Variants in SUCO observed in about 807,000 individuals in gnomAD.
The protein encoded by SUCO is SUN domain-containing ossification factor.
In SUCO, 57 loss-of-function variants were observed where a neutral mutation model predicts 148.1. The ratio of observed to expected loss-of-function variants is 0.38; its 90% CI spans 0.31 to 0.48. The LOEUF (loss-of-function observed/expected upper bound fraction) is 0.48. SUCO is among the 20% of genes least tolerant of loss of function. The probability of loss-of-function intolerance (pLI) is 0.96; values close to 1 mark genes in which losing one functional copy is unlikely to be tolerated. For missense variants in SUCO, 1,331 were observed against 1,468.2 expected (o/e 0.91, Z 1.53); for synonymous variants, 470 against 502.7 (o/e 0.93, Z 0.87).
At chr1:172,535,038 A>G (rs1033196862) in intron 1 of SUCO, among the ~76,000 whole-genome samples, 2 of 152,212 alleles carry the variant, frequency 1.3e-5, no homozygotes, top group South Asian at 2.1e-4. Flanking sequence ...TGTAAATTTA[A>G]GTTAACTCTG....
chr1:172,543,893 A>G (rs1333591081), intron 1 of SUCO, among the ~76,000 whole-genome samples: 4 of 152,200 alleles, frequency 2.6e-5, no homozygotes, highest in Middle Eastern at 3.4e-3. Flanking sequence ...CCAGACTGAT[A>G]CGTGGTTTAG....
At chr1:172,569,504 CA>C in intron 7 of SUCO, 5 of 982,178 alleles carry the variant, frequency 5.1e-6, no homozygotes, top group Non-Finnish European at 6.0e-6. Context: ...TTTAACTTAC[CA>C]AAAGGTGTTT....
Position 172,608,735 on chromosome 1 carries a change from T to TC in SUCO, c.3266-12_3266-11insC, listed in dbSNP as rs772278892. 4.5e-6 allele frequency: 7 copies of TC among 1,561,250 alleles called. No individual in the cohort carries two copies. The African/African-American group carries it at 9.7e-5, about 22-fold the overall frequency. On this transcript the variant is annotated splice_polypyrimidine_tract_variant and intron_variant, in intron 22 of 23. Transcript: ENST00000263688. ...ACATTTTACATCTGCTTTTTTTTTTTTTTACTTACAGTAGACCCAAATGAT... is the reference window on the plus strand; with the variant it reads ...ACATTTTACATCTGCTTTTTTTTTTTCTTTACTTACAGTAGACCCAAATGAT...
At chr1:172,557,485 C>G in intron 5 of SUCO, 68 bp downstream of exon 5, 1 of 1,581,426 alleles carries the variant, frequency 6.3e-7, no homozygotes. Context: ...TTTGAATGGA[C>G]TTTGGTGTAT....
intron 21 of SUCO, 130 bp downstream of exon 21, chr1:172,602,348 A>T: frequency 7.1e-7 from 1 of 1,410,252 alleles, no homozygotes; most frequent in Non-Finnish European, 9.3e-7. Context: ...AAACCAAAAC[A>T]TTAAAAACAT....
chr1:172,592,163 A>T (rs1195233543), intron 19 of SUCO, among the ~76,000 whole-genome samples: 1 of 152,050 alleles, frequency 6.6e-6, no homozygotes, highest in Admixed American at 6.5e-5. Context: ...TTCTTCGTAG[A>T]TTCTGGATAT....
rs766576373 is a variant in SUCO, at chr1:172,588,896, G to A, written c.1795G>A (p.Gly599Ser). 3.7e-5 allele frequency: 60 copies of A among 1,613,224 alleles called. No homozygotes were observed. Among genetic ancestry groups the A allele is most frequent in the South Asian group, 2.0e-4 (18 of 90,996 alleles). Residue 599 changes from glycine (G) to serine (S), a missense_variant, in exon 18 of 24, where the codon GGT becomes AGT. Around this residue, in one of 3 missense-constraint regions of SUCO, gnomAD observed 992 missense variants for 1,093.5 expected, o/e 0.91. Transcript: ENST00000263688. Reference sequence around the variant, plus strand: ...ATCTACAGTGACCCTTCTGGGCAGCGGTGAACAGGAAGATGAATCATCACC... The same window carrying A: ...ATCTACAGTGACCCTTCTGGGCAGCAGTGAACAGGAAGATGAATCATCACC... ...SPSTVTLLGS[G>S]EQEDESSPWF...
chr1:172,532,584 C>T (rs367670728), upstream of SUCO: 36 of 1,613,862 alleles, frequency 2.2e-5, no homozygotes, highest in African/African-American at 4.7e-4. Context: ...ACAACACACA[C>T]GTCATTCTAG....
chr1:172,570,882 T>A (rs924751897), intron 9 of SUCO, 152 bp downstream of exon 9: 1 of 527,550 alleles, frequency 1.9e-6, no homozygotes, highest in African/African-American at 2.0e-5. Context: ...ACAAAATGCC[T>A]TCCTTTCCTT....
At chr1:172,553,576 C>G (rs1388615068) in intron 3 of SUCO, among the ~76,000 whole-genome samples, 2 of 152,062 alleles carry the variant, frequency 1.3e-5, no homozygotes, top group Non-Finnish European at 2.9e-5. Context: ...TGACTAGTCT[C>G]TTGGTAGTAA....
intron 18 of SUCO, chr1:172,590,501 T>A (rs1480643858): frequency 3.5e-6 from 1 of 284,086 alleles, no homozygotes; most frequent in African/African-American, 2.3e-5. Flanking sequence ...TTTACTCTTT[T>A]TTTTATCCTC....
At chr1:172,585,338 C>G (rs998532048) in intron 16 of SUCO, 1 of 175,688 alleles carries the variant, frequency 5.7e-6, no homozygotes, top group African/African-American at 2.4e-5. Flanking sequence ...ATATTAATAG[C>G]AATGATTTTA....
chr1:172,558,249 C>A (rs1486994957), intron 6 of SUCO, among the ~76,000 whole-genome samples: 1 of 152,166 alleles, frequency 6.6e-6, no homozygotes, highest in Non-Finnish European at 1.5e-5. Context: ...TACAACCAGA[C>A]CACCTTATAT....
At chr1:172,547,764 A>G (rs978980719) in intron 1 of SUCO, among the ~76,000 whole-genome samples, 10 of 152,178 alleles carry the variant, frequency 6.6e-5, no homozygotes, top group African/African-American at 2.4e-4. Flanking sequence ...AATTGACAAA[A>G]TTGCAATGTG....
chr1:172,599,374 C>G, intron 19 of SUCO: 1 of 659,942 alleles, frequency 1.5e-6, no homozygotes, highest in Non-Finnish European at 1.9e-6. Context: ...CTCCCTAATA[C>G]AGGGTCATAA....
chr1:172,590,975 A>G lies in SUCO; in HGVS notation c.2826-9A>G, dbSNP rs374056330. On this transcript the variant is annotated splice_polypyrimidine_tract_variant and intron_variant, in intron 18 of 23. Transcript: ENST00000263688. ...TTAAAGCTGATTTAGACCAATTCTT[A>G]CTTCATAGGTACCGAAAACAAATGG... The G allele has an allele frequency of 7.6e-5, 121 of 1,598,870 alleles. No homozygotes were observed. Among genetic ancestry groups the G allele is most frequent in the Non-Finnish European group, 1.0e-4 (119 of 1,169,182 alleles).
At chr1:172,572,696 TAAAAAAAAAAAAAA>T (rs61248782) in intron 9 of SUCO, among the ~76,000 whole-genome samples, 10 of 49,606 alleles carry the variant, frequency 2.0e-4, no homozygotes, top group South Asian at 1.2e-3. Context: ...GAATGATCAA[TAAAAAAAAAAAAAA>T]AAAAAAAAAA....
rs1571247026 is a variant in SUCO at position 172,579,234 on chromosome 1, A to G, written c.1465A>G (p.Lys489Glu). The G allele has an allele frequency of 1.9e-6, 3 of 1,599,140 alleles. No homozygotes were observed. Among genetic ancestry groups the G allele is most frequent in the East Asian group, 4.5e-5 (2 of 44,590 alleles). Residue 489 changes from lysine to glutamate, a missense_variant, in exon 15 of 24, where the codon AAA (lysine) becomes GAA (glutamate). Coordinates refer to ENST00000263688, the MANE Select transcript of SUCO (RefSeq NM_014283.5). ...ACTGGATTATAATACTGGAGAGGAT[A>G]AATCCTCAAAAAATCTTCTTGGTTC... ...YPLDYNTGED[K>E]SSKNLLGSAT...
intron 19 of SUCO, among the ~76,000 whole-genome samples, chr1:172,598,249 C>A (rs1657264001): frequency 2.0e-5 from 3 of 152,154 alleles, no homozygotes; most frequent in African/African-American, 4.8e-5. Context: ...TGATAAAAAT[C>A]AGTTAACCAT....
Sources: gnomAD v4.1 joint callset for allele counts (sites outside exome capture counted in the v4.1 genomes callset) on GRCh38, gnomAD v4.1.1 for gene constraint, gnomAD v4.1.1 regional missense constraint, MANE v1.5 for transcripts, NCBI Gene and HGNC (gene_info 2026-07-23, HGNC 2026-07-21) for gene names.